The following PTPRE variants were observed in gnomAD, a reference collection of about 807,000 sequenced individuals.
The protein encoded by PTPRE is protein tyrosine phosphatase receptor type E, also known as receptor-type tyrosine-protein phosphatase epsilon.
In PTPRE, 51 loss-of-function variants were observed where a neutral mutation model predicts 102.0. The observed-to-expected ratio is 0.50, with a 90% CI of 0.40 to 0.63. The LOEUF is 0.63. PTPRE is among the 30% of genes least tolerant of loss of function. PTPRE has a pLI of 0.00. For synonymous variants in PTPRE, 345 were observed against 348.2 expected, an observed-to-expected ratio of 0.99 and a Z score of 0.10; for missense variants, 752 against 915.1, an observed-to-expected ratio of 0.82 and a Z score of 2.30.
intron 1 of PTPRE, among the ~76,000 whole-genome samples, chr10:127,979,371 T>G (rs1851435442): frequency 6.6e-6 from 1 of 152,242 alleles, no homozygotes; most frequent in Non-Finnish European, 1.5e-5. Context: ...GTCGCAGTGT[T>G]GGCCTAATGG....
At chr10:128,076,524 C>G (rs984448983) in intron 17 of PTPRE, 79 bp from the exon 18 acceptor site, 1 of 1,374,102 alleles carries the variant, frequency 7.3e-7, no homozygotes, top group Non-Finnish European at 9.7e-7. Context: ...GGTTTGAGAA[C>G]AATTCTGTGT....
chr10:127,927,634 G>A (rs1847130917), intron 1 of PTPRE, among the ~76,000 whole-genome samples: 1 of 152,206 alleles, frequency 6.6e-6, no homozygotes, highest in South Asian at 2.1e-4. Context: ...GAGCCTTCTG[G>A]AGGGGGTGCT....
rs1056846908 is a variant in PTPRE at position 128,008,823 on chromosome 10, C to G, written c.-8+26527C>G. ...GCCTGTGTCCTCATCCTGCCAGGGC[C>G]CCTGCTCCTCCTGTCACTGATGAAT... is the stretch of plus-strand genomic sequence containing the variant. On this transcript the variant is annotated intron_variant, in intron 2 of 20. Coordinates refer to ENST00000254667, the MANE Select transcript of PTPRE (RefSeq NM_006504.6). This position sits in a 1 kb window ranked among gnomAD's most constrained non-coding sequence, Gnocchi z 4.0. 6.6e-6 allele frequency among the ~76,000 whole-genome samples: 1 copy of G among 152,206 alleles called. No homozygotes were observed. The highest frequency in any genetic ancestry group is 2.4e-5 in the African/African-American group (1 of 41,442).
chr10:127,946,647 C>G (rs910362652), intron 1 of PTPRE, among the ~76,000 whole-genome samples: 1 of 152,176 alleles, frequency 6.6e-6, no homozygotes, highest in African/African-American at 2.4e-5. Context: ...GGTACAGGGA[C>G]AAAGGTGTGT....
In PTPRE at chr10:127,974,599, G is replaced by T. The variant is rs532057831; in HGVS notation, c.-30-7675G>T. ...ACTTCTTTTAGGGTAAGGAGGCTGA[G>T]GTTCTGTCCATGTATTTTTTTTAAT... On this transcript the variant is annotated intron_variant, in intron 1 of 20. Coordinates refer to ENST00000254667, the MANE Select transcript of PTPRE (RefSeq NM_006504.6). Among the ~76,000 whole-genome samples the T allele has an allele frequency of 1.6e-3, 251 of 152,274 alleles. 2 individuals carry two copies. Among genetic ancestry groups the T allele is most frequent in the African/African-American group, 5.9e-3 (245 of 41,552 alleles).
chr10:127,969,861 C>G (rs959842934), intron 1 of PTPRE, among the ~76,000 whole-genome samples: 1 of 152,102 alleles, frequency 6.6e-6, no homozygotes, highest in Non-Finnish European at 1.5e-5. Flanking sequence ...ATGAAGGAGG[C>G]TGTTGGTTCT....
At chr10:128,075,189 T>C (rs142507927) in intron 17 of PTPRE, among the ~76,000 whole-genome samples, 11 of 152,364 alleles carry the variant, frequency 7.2e-5, no homozygotes, top group African/African-American at 2.4e-4. Flanking sequence ...CTGCACAAAC[T>C]ATATCCTGCA....
chr10:127,927,004 G>A (rs1847070828), intron 1 of PTPRE, among the ~76,000 whole-genome samples: 1 of 151,720 alleles, frequency 6.6e-6, no homozygotes, highest in African/African-American at 2.4e-5. Context: ...TAGAGATGGG[G>A]TTTCACTGTG....
intron 9 of PTPRE, among the ~76,000 whole-genome samples, chr10:128,062,549 A>G (rs7093446): frequency 0.83 from 126,760 of 152,210 alleles, 53,104 homozygotes; most frequent in African/African-American, 0.92. Flanking sequence ...AGCACGTAGC[A>G]CTTAGCTCGG....
At chr10:127,985,391 T>A (rs1211107429) in intron 2 of PTPRE, among the ~76,000 whole-genome samples, 2 of 152,216 alleles carry the variant, frequency 1.3e-5, no homozygotes, top group African/African-American at 4.8e-5. Context: ...AAGACCAGCC[T>A]GGCCAACATG....
Position 128,080,850 on chromosome 10 carries a change from T to G in PTPRE, c.2028+1155T>G, listed in dbSNP as rs150071072. ...CGAGGGCTCCAGAGCAAGTGGTGAA[T>G]CAGCAAACGAATGAGGGAGAAGAGT... On this transcript the variant is annotated intron_variant, in intron 20 of 20. Transcript: ENST00000254667. 3.0e-3 allele frequency among the ~76,000 whole-genome samples: 455 copies of G among 152,300 alleles called. 2 individuals carry two copies. The highest frequency in any genetic ancestry group is 0.017 in the South Asian group (82 of 4,824).
chr10:127,912,702 A>G (rs530647332), intron 1 of PTPRE, among the ~76,000 whole-genome samples: 12 of 152,352 alleles, frequency 7.9e-5, no homozygotes, highest in Admixed American at 5.2e-4. Flanking sequence ...CATGGGAACA[A>G]TAGCATTTGG....
intron 8 of PTPRE, 71 bp from the exon 9 acceptor site, chr10:128,061,608 C>G (rs1279962830): frequency 4.6e-6 from 7 of 1,525,644 alleles, no homozygotes; most frequent in African/African-American, 4.2e-5. Flanking sequence ...GCTTTCCTAA[C>G]AGCAACACCA....
At chr10:127,957,224 G>T (rs761660802) in intron 1 of PTPRE, among the ~76,000 whole-genome samples, 18 of 152,092 alleles carry the variant, frequency 1.2e-4, no homozygotes, top group Non-Finnish European at 1.0e-4. Context: ...TTAGGTCTAT[G>T]ATCTATTTTG....
intron 2 of PTPRE, among the ~76,000 whole-genome samples, chr10:128,029,230 G>A (rs1846519801): frequency 6.6e-6 from 1 of 152,150 alleles, no homozygotes; most frequent in African/African-American, 2.4e-5. Context: ...CCTCTCAACT[G>A]GCTGCAGGCT....
rs1850676608 is a variant in PTPRE, at chr10:128,070,529, AG to A, written c.1293+80del. 1 of 1,518,380 alleles carries A rather than the reference AG, an allele frequency of 6.6e-7. No homozygotes were observed. Among genetic ancestry groups the A allele is most frequent in the Admixed American group, 2.0e-5 (1 of 49,264 alleles). The allele number at this position is 1,518,380 out of a possible 1,614,324, so 94.1% of individuals were successfully genotyped here. ...GGAAAACAGGTGACCATTTAAAGGA[AG>A]CCTCTTTCAATCACTTGCCCCTTAA... On this transcript the variant is annotated intron_variant, in intron 14 of 20. Transcript: ENST00000254667. The surrounding 1 kb of genome is among the most constrained non-coding windows in gnomAD (Gnocchi z 4.8).
At chr10:128,045,117 T>C (rs1446597016) in intron 3 of PTPRE, among the ~76,000 whole-genome samples, 1 of 152,248 alleles carries the variant, frequency 6.6e-6, no homozygotes, top group Non-Finnish European at 1.5e-5. Flanking sequence ...TTTCTGATCC[T>C]GATCTCTGGC....
chr10:128,047,368 G>T (rs1462915233), intron 3 of PTPRE, 22 bp from the exon 4 acceptor site: 2 of 1,611,122 alleles, frequency 1.2e-6, no homozygotes, highest in East Asian at 2.2e-5. Flanking sequence ...CAGGGGTTAG[G>T]GTCTTTCTGC....
chr10:127,969,696 A>T (rs1413758106), intron 1 of PTPRE, among the ~76,000 whole-genome samples: 1 of 133,930 alleles, frequency 7.5e-6, no homozygotes, highest in Non-Finnish European at 1.6e-5. Context: ...GGGCGGGGGG[A>T]TGATGCAGAC....
Sources: gnomAD v4.1 joint callset for allele counts (sites outside exome capture counted in the v4.1 genomes callset) on GRCh38, gnomAD v4.1.1 for gene constraint, Gnocchi (gnomAD v3.1) non-coding constraint, MANE v1.5 for transcripts, NCBI Gene and HGNC (gene_info 2026-07-23, HGNC 2026-07-21) for gene names.